DLGAP2: variants seen among roughly 807,000 people sequenced by gnomAD.
The protein encoded by DLGAP2 is disks large-associated protein 2.
In DLGAP2, 26 loss-of-function variants were observed where a neutral mutation model predicts 100.3. The observed-to-expected ratio is 0.26, with a 90% CI of 0.19 to 0.36. DLGAP2 has a LOEUF of 0.36. Ranked by LOEUF, DLGAP2 falls within the 10% of genes least tolerant of loss-of-function variation. The pLI is 1.00. For missense variants in DLGAP2, 1,858 were observed against 1,453.2 expected (o/e 1.28, Z -4.53); for synonymous variants, 886 against 630.1 (o/e 1.41, Z -6.08).
At chr8:1,256,495 C>CG (rs1267468346) in intron 2 of DLGAP2, among the ~76,000 whole-genome samples, 1,407 of 140,028 alleles carry the variant, frequency 0.01, 20 homozygotes, top group African/African-American at 0.028. Flanking sequence ...TGTGTGTGTC[C>CG]TCTCCTGCCT....
rs1326520314 is a variant in DLGAP2 at position 1,676,574 on chromosome 8, G to A, written c.2244G>A (p.Leu748=). ...ATDSDTESRG[L]REYHSVGVQV... ...ATTCTGACACGGAGAGCCGCGGTCT[G>A]CGGGAATACCACTCTGTCGGGGTGC... The change falls in exon 11 of 15, where the codon CTG becomes CTA. Residue 748 remains leucine (L), a synonymous_variant. Coordinates refer to ENST00000637795, the MANE Select transcript of DLGAP2 (RefSeq NM_001346810.2). 6.2e-7 allele frequency: 1 copy of A among 1,613,622 alleles called. No homozygotes were observed. The highest frequency in any genetic ancestry group is 8.5e-7 in the Non-Finnish European group (1 of 1,179,760).
chr8:1,620,256 G>C (rs1318533703), intron 6 of DLGAP2: 2 of 152,200 alleles, frequency 1.3e-5, no homozygotes, highest in Admixed American at 1.3e-4. Context: ...CATTCCACTT[G>C]ATTTCTCAGC....
chr8:801,330 G>A (rs1429763441), intron 1 of DLGAP2, among the ~76,000 whole-genome samples: 1 of 152,224 alleles, frequency 6.6e-6, no homozygotes, highest in Non-Finnish European at 1.5e-5. Context: ...GTGGACCTTA[G>A]GGCCTTGGAT....
At chr8:1,454,533 T>A (rs1389024096) in intron 3 of DLGAP2, among the ~76,000 whole-genome samples, 1 of 152,132 alleles carries the variant, frequency 6.6e-6, no homozygotes, top group East Asian at 1.9e-4. Context: ...AAACACTGCT[T>A]CCTCCTGGGT....
intron 3 of DLGAP2, among the ~76,000 whole-genome samples, chr8:1,304,891 A>C (rs1044229962): frequency 3.9e-5 from 6 of 152,246 alleles, no homozygotes; most frequent in African/African-American, 1.4e-4. Context: ...CTGCAATCGC[A>C]TTTGATATAA....
rs375704255 is a variant in DLGAP2, at chr8:1,563,314, T to C, written c.1231-2369T>C. ...GGACTGTGTGGTGTTGGGGTGTCCG[T>C]GCCTCGTTACTGGGGGGCTGTGTGG... On this transcript the variant is annotated intron_variant, in intron 5 of 14. Coordinates refer to ENST00000637795, the MANE Select transcript of DLGAP2 (RefSeq NM_001346810.2). Among the ~76,000 whole-genome samples, 157 of 27,294 alleles carry C rather than the reference T, an allele frequency of 5.8e-3. 11 individuals carry two copies. Among genetic ancestry groups the C allele is most frequent in the African/African-American group, 0.021 (126 of 6,002 alleles). 17.9% of individuals were successfully genotyped at this position (27,294 alleles called of 152,430 possible).
chr8:1,503,964 G>A (rs566869407), intron 4 of DLGAP2, among the ~76,000 whole-genome samples: 6 of 152,294 alleles, frequency 3.9e-5, no homozygotes, highest in Middle Eastern at 3.4e-3. Flanking sequence ...CCAGGTGCAG[G>A]CACACGGTGA....
At chr8:1,546,904 C>A (rs1482159185) in intron 4 of DLGAP2, among the ~76,000 whole-genome samples, 2 of 152,088 alleles carry the variant, frequency 1.3e-5, no homozygotes, top group Admixed American at 6.5e-5. Flanking sequence ...AGGTATTGGA[C>A]AAACGTGTGG....
At chr8:1,288,615 G>T (rs964249563) in intron 3 of DLGAP2, among the ~76,000 whole-genome samples, 1 of 148,182 alleles carries the variant, frequency 6.7e-6, no homozygotes, top group East Asian at 2.0e-4. Context: ...TGTGGTAGGA[G>T]GGGAACTAGT....
intron 3 of DLGAP2, among the ~76,000 whole-genome samples, chr8:1,320,502 C>G (rs971783188): frequency 6.6e-6 from 1 of 152,128 alleles, no homozygotes; most frequent in East Asian, 1.9e-4. Context: ...GACGGGTGAA[C>G]GGGCAACATA....
intron 1 of DLGAP2, among the ~76,000 whole-genome samples, chr8:857,817 C>G (rs994742168): frequency 1.4e-4 from 21 of 152,176 alleles, no homozygotes; most frequent in Admixed American, 1.2e-3. Flanking sequence ...AGTCAGGCTC[C>G]TAGGTGTTCA....
At chr8:1,111,381 C>T (rs1015464955) in intron 2 of DLGAP2, among the ~76,000 whole-genome samples, 3 of 151,848 alleles carry the variant, frequency 2.0e-5, no homozygotes, top group Admixed American at 1.3e-4. Context: ...TGACCTTGGG[C>T]GTGTTTCTTT....
intron 3 of DLGAP2, among the ~76,000 whole-genome samples, chr8:1,441,189 G>A (rs34394914): frequency 0.21 from 31,420 of 152,130 alleles, 3,574 homozygotes; most frequent in East Asian, 0.33. Flanking sequence ...TATTTATTCA[G>A]TGTTAATCTT....
chr8:761,346 C>G (rs1821077909), intron 1 of DLGAP2, among the ~76,000 whole-genome samples: 1 of 152,240 alleles, frequency 6.6e-6, no homozygotes, highest in African/African-American at 2.4e-5. Flanking sequence ...GGAGGCACAT[C>G]CATACAGTTC....
At chr8:1,068,605 A>G (rs1254647892) in intron 2 of DLGAP2, among the ~76,000 whole-genome samples, 1 of 150,766 alleles carries the variant, frequency 6.6e-6, no homozygotes, top group Non-Finnish European at 1.5e-5. Context: ...TGTGAGGAGG[A>G]GGGAAAGGAT....
intron 3 of DLGAP2, among the ~76,000 whole-genome samples, chr8:1,330,723 C>T (rs1488397222): frequency 7.8e-6 from 1 of 128,668 alleles, no homozygotes; most frequent in African/African-American, 3.2e-5. Context: ...GGTGGGAGCG[C>T]CACTTCACCA....
intron 6 of DLGAP2, among the ~76,000 whole-genome samples, chr8:1,580,711 A>G (rs1459240286): frequency 1.3e-5 from 2 of 152,088 alleles, no homozygotes; most frequent in African/African-American, 4.8e-5. Context: ...CCAGAAGTGA[A>G]GGATACAGAC....
In DLGAP2 at chr8:1,655,637, G is replaced by A. The variant is rs74967572; in HGVS notation, c.1811-12692G>A. 3.7e-4 allele frequency among the ~76,000 whole-genome samples: 57 copies of A among 152,320 alleles called. No individual in the cohort carries two copies. The East Asian group carries it at 9.1e-3, about 24-fold the overall frequency. On this transcript the variant is annotated intron_variant, in intron 8 of 14. Coordinates refer to ENST00000637795, the MANE Select transcript of DLGAP2 (RefSeq NM_001346810.2). Reference sequence around the variant, plus strand: ...AAAGCGATGATGGATTCACATTTGCGATTCCTCAAAGCCATGTGAAGTGTA... The same window carrying A: ...AAAGCGATGATGGATTCACATTTGCAATTCCTCAAAGCCATGTGAAGTGTA...
Position 1,069,690 on chromosome 8 carries a change from A to T in DLGAP2, c.73+161724A>T, listed in dbSNP as rs1325482578. Among the ~76,000 whole-genome samples, 5 of 152,190 alleles carry T rather than the reference A, an allele frequency of 3.3e-5. No homozygotes were observed. In the East Asian group the frequency reaches 9.6e-4, roughly 29 times the overall value. On this transcript the variant is annotated intron_variant, in intron 2 of 14. Coordinates refer to ENST00000637795, the MANE Select transcript of DLGAP2 (RefSeq NM_001346810.2). ...AGCACCATACTTAATATGATATTAT[A>T]ATGCTGTACCTACGATAAAAGTTAT...
Sources: allele counts gnomAD v4.1 joint callset (sites outside exome capture counted in the v4.1 genomes callset), GRCh38; gene constraint gnomAD v4.1.1; transcripts MANE v1.5; gene names NCBI Gene and HGNC (gene_info 2026-07-23, HGNC 2026-07-21).